Variants in FNDC3B observed in about 807,000 individuals in gnomAD.
FNDC3B encodes the protein fibronectin type III domain containing 3B.
In FNDC3B, 12 loss-of-function variants were observed where a neutral mutation model predicts 151.5. The observed-to-expected ratio is 0.08, with a 90% CI of 0.05 to 0.13. The LOEUF is 0.13. Among genes scored for constraint, FNDC3B ranks in the 10% least tolerant of loss-of-function variants. The pLI, the probability that FNDC3B is intolerant of heterozygous loss-of-function variation, is 1.00. For missense variants in FNDC3B, 1,214 were observed against 1,505.3 expected (o/e 0.81, Z 3.20); for synonymous variants, 528 against 549.0 (o/e 0.96, Z 0.54).
intron 6 of FNDC3B, among the ~76,000 whole-genome samples, chr3:172,283,350 C>T (rs553263683): frequency 6.6e-6 from 1 of 152,142 alleles, no homozygotes; most frequent in African/African-American, 2.4e-5. Flanking sequence ...TGGGAGGGGG[C>T]GTTCCAGTTT....
At position 172,380,343 on chromosome 3, in the gene FNDC3B, G is replaced by A. The variant is rs1735373495; in HGVS notation, c.3176-623G>A. Among the ~76,000 whole-genome samples, 4 of 152,010 alleles carry A rather than the reference G, an allele frequency of 2.6e-5. No individual in the cohort carries two copies. In the South Asian group the frequency reaches 8.3e-4, roughly 32 times the overall value. On this transcript the variant is annotated intron_variant, in intron 24 of 25. Coordinates refer to ENST00000415807, the MANE Select transcript of FNDC3B (RefSeq NM_022763.4). ...ATATAATTTAGCTTTAAATGAGAAT[G>A]AGGAGTTCAGGAGGTGAAAAATAAA...
In FNDC3B at chr3:172,226,788, G is replaced by C; in HGVS notation, c.188-83G>C. 4.4e-6 allele frequency: 4 copies of C among 904,842 alleles called. No individual in the cohort carries two copies. In the South Asian group the frequency reaches 5.7e-5, roughly 13 times the overall value. The allele number at this position is 904,842 out of a possible 1,614,324, so 56.1% of individuals were successfully genotyped here. ...TTGTCAAAGTCATTAATTATCTTCA[G>C]TTTGGATAGTACATTGAAAACATTA... is the stretch of plus-strand genomic sequence containing the variant. On this transcript the variant is annotated intron_variant, in intron 3 of 25. Coordinates refer to ENST00000415807, the MANE Select transcript of FNDC3B (RefSeq NM_022763.4).
At chr3:172,392,992 G>T (rs1296697890) in intron 25 of FNDC3B, among the ~76,000 whole-genome samples, 1 of 151,700 alleles carries the variant, frequency 6.6e-6, no homozygotes. Flanking sequence ...TAGTAGAGAT[G>T]AGGTTTCACC....
chr3:172,096,434 A>G (rs2108517279), intron 1 of FNDC3B, among the ~76,000 whole-genome samples: 1 of 152,322 alleles, frequency 6.6e-6, no homozygotes, highest in South Asian at 2.1e-4. Flanking sequence ...AATATCATAT[A>G]AAAAGAAATT....
intron 3 of FNDC3B, among the ~76,000 whole-genome samples, chr3:172,153,624 T>G (rs375725811): frequency 6.6e-6 from 1 of 152,186 alleles, no homozygotes; most frequent in Admixed American, 6.5e-5. Flanking sequence ...GTAGATATAC[T>G]TAAAAGACAC....
chr3:172,310,758 G>C (rs1428948094), intron 10 of FNDC3B, 70 bp from the exon 11 acceptor site: 2 of 1,101,786 alleles, frequency 1.8e-6, no homozygotes, highest in Non-Finnish European at 2.8e-6. Flanking sequence ...CTGTATGTGA[G>C]CCAGGTGGGT....
intron 22 of FNDC3B, among the ~76,000 whole-genome samples, chr3:172,354,843 A>G (rs1734012880): frequency 6.6e-6 from 1 of 151,590 alleles, no homozygotes; most frequent in African/African-American, 2.4e-5. Context: ...GCTTGGATAA[A>G]AGACTTGTTT....
intron 16 of FNDC3B, among the ~76,000 whole-genome samples, chr3:172,340,208 C>T (rs1201591596): frequency 6.6e-6 from 1 of 152,100 alleles, no homozygotes; most frequent in Admixed American, 6.5e-5. Context: ...TTTCTCTCTT[C>T]AGTTCCACAA....
At chr3:172,228,459 A>G (rs1014012677) in intron 4 of FNDC3B, among the ~76,000 whole-genome samples, 13 of 152,206 alleles carry the variant, frequency 8.5e-5, no homozygotes, top group Admixed American at 8.5e-4. Context: ...TAACGGAGAG[A>G]AGCTTCAGTG....
chr3:172,307,344 G>GT lies in FNDC3B; in HGVS notation c.1062-18dup, dbSNP rs1435470549. The GT allele has an allele frequency of 1.2e-6, 2 of 1,613,954 alleles. No homozygotes were observed. Reference sequence around the variant, plus strand: ...CTATGATGAGTCACTGCCACTGACTGTGTCTGTTTTGTTTTCAGGGTGTAT... The same window carrying GT: ...CTATGATGAGTCACTGCCACTGACTGTTGTCTGTTTTGTTTTCAGGGTGTAT... On this transcript the variant is annotated intron_variant, in intron 9 of 25. Coordinates refer to ENST00000415807, the MANE Select transcript of FNDC3B (RefSeq NM_022763.4).
At chr3:172,284,092 G>A (rs1317468144) in intron 6 of FNDC3B, among the ~76,000 whole-genome samples, 1 of 152,112 alleles carries the variant, frequency 6.6e-6, no homozygotes, top group African/African-American at 2.4e-5. Context: ...TTTTAATATA[G>A]ACTTTGTTCA....
intron 6 of FNDC3B, among the ~76,000 whole-genome samples, chr3:172,269,592 A>G (rs1487265985): frequency 6.6e-6 from 1 of 152,126 alleles, no homozygotes; most frequent in Non-Finnish European, 1.5e-5. Flanking sequence ...TTCAGATTGT[A>G]GAGCCAACTG....
At chr3:172,206,659 CAAAAAAAAAAAAA>C (rs57377409) in intron 3 of FNDC3B, among the ~76,000 whole-genome samples, 3 of 54,512 alleles carry the variant, frequency 5.5e-5, no homozygotes, top group African/African-American at 1.4e-4. Flanking sequence ...AACTCCATCT[CAAAAAAAAAAAAA>C]AAAAAAAAAA....
chr3:172,359,363 C>T (rs1734261083), intron 22 of FNDC3B, among the ~76,000 whole-genome samples: 1 of 151,920 alleles, frequency 6.6e-6, no homozygotes, highest in Non-Finnish European at 1.5e-5. Context: ...TCAGGTGGCA[C>T]AGAGCAAAGG....
At chr3:172,354,708 T>C (rs990277512) in intron 22 of FNDC3B, among the ~76,000 whole-genome samples, 2 of 151,910 alleles carry the variant, frequency 1.3e-5, no homozygotes, top group Non-Finnish European at 2.9e-5. Context: ...AAAGGTATAA[T>C]TTTGGCCCAA....
At chr3:172,070,979 A>T (rs1223823146) in intron 1 of FNDC3B, among the ~76,000 whole-genome samples, 1 of 152,186 alleles carries the variant, frequency 6.6e-6, no homozygotes, top group Non-Finnish European at 1.5e-5. Flanking sequence ...ATTGGTCAGG[A>T]TTATGCAATT....
chr3:172,041,116 C>T (rs902274612), intron 1 of FNDC3B, among the ~76,000 whole-genome samples: 2 of 152,190 alleles, frequency 1.3e-5, no homozygotes, highest in African/African-American at 4.8e-5. Context: ...AATGGGCCAA[C>T]GCTGGGGCCA....
At chr3:172,260,054 G>A (rs913792691) in intron 6 of FNDC3B, among the ~76,000 whole-genome samples, 5 of 152,110 alleles carry the variant, frequency 3.3e-5, no homozygotes, top group African/African-American at 1.2e-4. Flanking sequence ...TATTTTCTCT[G>A]CCTTTTTGCT....
Position 172,039,624 on chromosome 3 carries a change from A to AGCG in FNDC3B, c.-161_-159dup, listed in dbSNP as rs3832239. On this transcript the variant is annotated 5_prime_UTR_variant, in exon 1 of 26. Coordinates refer to ENST00000415807, the MANE Select transcript of FNDC3B (RefSeq NM_022763.4). ...ATCAAACCCTCCTGGTAGTTATTTG[A>AGCG]GCGGCGGCGGCGGCGGCTGGAGGAG... 22 of 163,068 alleles carry AGCG rather than the reference A, an allele frequency of 1.3e-4. No individual in the cohort carries two copies. The highest frequency in any genetic ancestry group is 3.2e-4 in the Admixed American group (5 of 15,394). 10.1% of individuals were successfully genotyped at this position (163,068 alleles called of 1,614,324 possible).
Sources: gnomAD v4.1 joint callset for allele counts (sites outside exome capture counted in the v4.1 genomes callset) on GRCh38, gnomAD v4.1.1 for gene constraint, MANE v1.5 for transcripts, NCBI Gene and HGNC (gene_info 2026-07-23, HGNC 2026-07-21) for gene names.